The following SP100 variants were observed in gnomAD, a reference collection of about 807,000 sequenced individuals.
SP100 encodes SP100 nuclear body protein, also known as nuclear autoantigen Sp-100.
In SP100, 84 loss-of-function variants were observed where a neutral mutation model predicts 130.0. That is an observed-to-expected ratio of 0.65 (90% CI 0.54 to 0.77). The LOEUF is 0.77. Among genes scored for constraint, SP100 ranks in the 30% least tolerant of loss-of-function variants. The pLI is 0.00. For synonymous variants in SP100, 331 were observed against 351.7 expected (o/e 0.94, Z 0.66); for missense variants, 978 against 1,052.2 (o/e 0.93, Z 0.97).
intron 24 of SP100, among the ~76,000 whole-genome samples, chr2:230,513,907 C>CT (rs1690757635): frequency 1.3e-5 from 2 of 152,184 alleles, no homozygotes; most frequent in South Asian, 4.1e-4. Context: ...ACTGCAATGA[C>CT]TTTTTTGCAC....
At chr2:230,448,598 A>T (rs1050184318) in intron 5 of SP100, among the ~76,000 whole-genome samples, 2 of 152,228 alleles carry the variant, frequency 1.3e-5, no homozygotes, top group African/African-American at 4.8e-5. Context: ...AGACAAAAAG[A>T]TCCAGAAAAA....
At chr2:230,458,424 C>T (rs1191775038) in intron 8 of SP100, among the ~76,000 whole-genome samples, 3 of 152,112 alleles carry the variant, frequency 2.0e-5, no homozygotes, top group Non-Finnish European at 4.4e-5. Context: ...GCCTTGCTGT[C>T]TGAGGGGTGG....
In SP100 at chr2:230,545,476, A is replaced by T. The variant is rs930388034; in HGVS notation, c.*2530A>T. ...GGAGCAGAAAAAGTACCTATTGGTG[A>T]TGAAGTACTCTGTACAACAAACCCG... is the stretch of plus-strand genomic sequence containing the variant. On this transcript the variant is annotated 3_prime_UTR_variant, in exon 29 of 29. Coordinates refer to ENST00000340126, the MANE Select transcript of SP100 (RefSeq NM_001080391.2). Among the ~76,000 whole-genome samples, 1 of 152,214 alleles carries T rather than the reference A, an allele frequency of 6.6e-6. No individual in the cohort carries two copies. Among genetic ancestry groups the T allele is most frequent in the African/African-American group, 2.4e-5 (1 of 41,444 alleles).
rs531871781 is a variant in SP100 at position 230,485,231 on chromosome 2, G to A, written c.1601-9185G>A. Among the ~76,000 whole-genome samples the A allele has an allele frequency of 6.6e-5, 10 of 152,170 alleles. No homozygotes were observed. In the South Asian group the frequency reaches 2.1e-3, roughly 32 times the overall value. On this transcript the variant is annotated intron_variant, in intron 17 of 28. Transcript: ENST00000340126. ...GCCTCCCAAGTAGCTGGGATGACAG[G>A]CATGAGCTACCACACCCAGCTAAGA...
At chr2:230,450,297 T>A in intron 8 of SP100, 42 bp downstream of exon 8, 1 of 1,460,488 alleles carries the variant, frequency 6.8e-7, no homozygotes, top group Non-Finnish European at 9.6e-7. Flanking sequence ...CCTTTCTTAT[T>A]CAGATGCTAT....
Position 230,474,304 on chromosome 2 carries a change from G to T in SP100, c.1547-90G>T, listed in dbSNP as rs767152326. The T allele has an allele frequency of 9.8e-6, 7 of 712,634 alleles. No individual in the cohort carries two copies. In the Admixed American group the frequency reaches 1.3e-4, roughly 13 times the overall value. 44.1% of individuals were successfully genotyped at this position (712,634 alleles called of 1,614,324 possible). A position where few individuals can be genotyped will look rare whatever the true frequency, so the allele number is the denominator to read the frequency against. ...TTATACTCAGAATATTGTTATAAAC[G>T]CAAGCCTTCCATGCAGTGTGAATTG... On this transcript the variant is annotated intron_variant, in intron 16 of 28. Coordinates refer to ENST00000340126, the MANE Select transcript of SP100 (RefSeq NM_001080391.2).
chr2:230,474,200 T>C lies in SP100; in HGVS notation c.1547-194T>C, dbSNP rs368861436. ...GGTGCATAAAAGTAATGAAGAGCTG[T>C]TTCAAAGTCTCAGAGAACTAGACGA... is the stretch of plus-strand genomic sequence containing the variant. On this transcript the variant is annotated intron_variant, in intron 16 of 28. Coordinates refer to ENST00000340126, the MANE Select transcript of SP100 (RefSeq NM_001080391.2). 1.9e-4 allele frequency among the ~76,000 whole-genome samples: 29 copies of C among 152,334 alleles called. No individual in the cohort carries two copies. In the South Asian group the frequency reaches 3.1e-3, roughly 16 times the overall value.
chr2:230,416,207 G>A lies in SP100; in HGVS notation c.-90G>A, dbSNP rs2062594528. 1 of 1,017,324 alleles carries A rather than the reference G, an allele frequency of 9.8e-7. No homozygotes were observed. Among genetic ancestry groups the A allele is most frequent in the Admixed American group, 2.2e-5 (1 of 45,566 alleles). The allele number at this position is 1,017,324 out of a possible 1,614,324, so 63.0% of individuals were successfully genotyped here. On this transcript the variant is annotated 5_prime_UTR_variant, in exon 1 of 29. Coordinates refer to ENST00000340126, the MANE Select transcript of SP100 (RefSeq NM_001080391.2). ...GTCTGTCGGCCGACTTCCTGCTTGG[G>A]GCCTGGGCAGCCACACTGCACGCAG...
At chr2:230,431,257 C>G (rs150887645) in intron 2 of SP100, among the ~76,000 whole-genome samples, 1 of 152,304 alleles carries the variant, frequency 6.6e-6, no homozygotes, top group Admixed American at 6.5e-5. Context: ...CTGTTTGTTT[C>G]CCATGAGGCA....
chr2:230,416,219 C>CA lies in SP100; in HGVS notation c.-77dup. 1 of 1,212,822 alleles carries CA rather than the reference C, an allele frequency of 8.2e-7. No individual in the cohort carries two copies. Among genetic ancestry groups the CA allele is most frequent in the Non-Finnish European group, 1.2e-6 (1 of 829,102 alleles). The allele number at this position is 1,212,822 out of a possible 1,614,324, so 75.1% of individuals were successfully genotyped here. ...ACTTCCTGCTTGGGGCCTGGGCAGC[C>CA]ACACTGCACGCAGGCTGGGCCGACT... On this transcript the variant is annotated 5_prime_UTR_variant, in exon 1 of 29. Coordinates refer to ENST00000340126, the MANE Select transcript of SP100 (RefSeq NM_001080391.2).
intron 17 of SP100, among the ~76,000 whole-genome samples, chr2:230,477,053 G>A (rs774515585): frequency 6.6e-5 from 10 of 152,050 alleles, no homozygotes; most frequent in Non-Finnish European, 1.5e-4. Flanking sequence ...TTTTAGTAGA[G>A]TCGGTGTTTC....
Position 230,466,341 on chromosome 2 carries a change from T to C in SP100, c.1182T>C (p.Ser394=), listed in dbSNP as rs2064956657. ...GAAAATTATCTACATTCAGAGAAAGTTTTAAGAAAAGAGGTAAGAGAAAGC... is the reference window on the plus strand; with the variant it reads ...GAAAATTATCTACATTCAGAGAAAGCTTTAAGAAAAGAGGTAAGAGAAAGC... The part of the protein sequence containing the change: ...DFRKLSTFRE[S]FKKRVIGQDH... The change falls in exon 12 of 29, where the codon AGT becomes AGC. Residue 394 remains serine (S), a synonymous_variant. Transcript: ENST00000340126. 1 of 1,572,744 alleles carries C rather than the reference T, an allele frequency of 6.4e-7. No homozygotes were observed. Among genetic ancestry groups the C allele is most frequent in the Non-Finnish European group, 8.7e-7 (1 of 1,143,268 alleles).
At chr2:230,429,413 TATA>T (rs1385872833) in intron 2 of SP100, among the ~76,000 whole-genome samples, 2 of 152,226 alleles carry the variant, frequency 1.3e-5, no homozygotes, top group Non-Finnish European at 2.9e-5. Context: ...ATAATTTAAT[TATA>T]ATATTTCTTG....
intron 17 of SP100, among the ~76,000 whole-genome samples, chr2:230,486,233 G>A (rs970858234): frequency 3.9e-5 from 6 of 151,952 alleles, no homozygotes; most frequent in African/African-American, 9.7e-5. Flanking sequence ...TTTATGTTCC[G>A]GGGTACATGT....
intron 13 of SP100, 72 bp downstream of exon 13, chr2:230,467,287 C>A: frequency 1.9e-6 from 2 of 1,053,564 alleles, no homozygotes; most frequent in Non-Finnish European, 3.0e-6. Context: ...GTGCTCTGAG[C>A]ACACACAACA....
chr2:230,511,190 A>T, intron 24 of SP100, 24 bp downstream of exon 24: 1 of 1,561,136 alleles, frequency 6.4e-7, no homozygotes, highest in Non-Finnish European at 8.8e-7. Flanking sequence ...TCCGACTATG[A>T]CCCCAAAATA....
At chr2:230,444,401 G>T in intron 4 of SP100, 55 bp downstream of exon 4, 2 of 1,394,096 alleles carry the variant, frequency 1.4e-6, no homozygotes, top group South Asian at 2.4e-5. Context: ...TTTTCAATAA[G>T]TATATACTGA....
At chr2:230,436,267 T>C (rs2063263531) in intron 2 of SP100, among the ~76,000 whole-genome samples, 1 of 152,200 alleles carries the variant, frequency 6.6e-6, no homozygotes, top group South Asian at 2.1e-4. Context: ...ATGTATGTCG[T>C]TCCAAATAAA....
chr2:230,495,888 T>C (rs2066643639), intron 18 of SP100, among the ~76,000 whole-genome samples: 1 of 152,234 alleles, frequency 6.6e-6, no homozygotes, highest in South Asian at 2.1e-4. Context: ...TATTTGGATA[T>C]ATTTTTTCCC....
Sources: allele counts gnomAD v4.1 joint callset (sites outside exome capture counted in the v4.1 genomes callset), GRCh38; gene constraint gnomAD v4.1.1; transcripts MANE v1.5; gene names NCBI Gene and HGNC (gene_info 2026-07-23, HGNC 2026-07-21).